CNTNAP5: variants seen among roughly 807,000 people sequenced by gnomAD.
CNTNAP5 encodes contactin associated protein family member 5, also known as contactin-associated protein-like 5.
A neutral mutation model predicts 150.2 loss-of-function variants in CNTNAP5; 72 were observed. That is an observed-to-expected ratio of 0.48 (90% confidence interval 0.40 to 0.58). The LOEUF is 0.58. CNTNAP5 is among the 20% of genes least tolerant of loss of function. CNTNAP5 has a pLI of 0.00. For synonymous variants in CNTNAP5, 672 were observed against 619.8 expected, an observed-to-expected ratio of 1.08 and a Z score of -1.25; for missense variants, 1,636 against 1,626.2, an observed-to-expected ratio of 1.01 and a Z score of -0.10.
rs530361284 is a variant in CNTNAP5, at chr2:124,301,960, TA to T, written c.381+59570del. Among the ~76,000 whole-genome samples the T allele has an allele frequency of 2.5e-3, 376 of 152,274 alleles. 4 individuals are homozygous for T. The highest frequency in any genetic ancestry group is 8.4e-3 in the African/African-American group (351 of 41,550). On this transcript the variant is annotated intron_variant, in intron 3 of 23. Transcript: ENST00000682447. Reference sequence around the variant, plus strand: ...GGACCTTTAAGGACATAATTAAGATTAAATGAGGTCATAAAGTGAAGCTCTA... The same window carrying T: ...GGACCTTTAAGGACATAATTAAGATTAATGAGGTCATAAAGTGAAGCTCTA...
At chr2:124,784,854 CAATGTGGATGTTAAATTTTCTTAGGG>C (rs1401751912) in intron 17 of CNTNAP5, among the ~76,000 whole-genome samples, 1 of 151,980 alleles carries the variant, frequency 6.6e-6, no homozygotes, top group Non-Finnish European at 1.5e-5. Context: ...TTTTCTTAGG[CAATGTGGATGTTAAATTTTCTTAGGG>C]AATGTGAATG....
chr2:124,655,999 A>AAAGAAAGAAAGAAGGAAGGAAGG (rs1317556643), intron 13 of CNTNAP5, among the ~76,000 whole-genome samples: 23 of 90,628 alleles, frequency 2.5e-4, no homozygotes, highest in South Asian at 7.8e-4. Context: ...AAGAAAGAAA[A>AAAGAAAGAAAGAAGGAAGGAAGG]AAGGAAGGAA....
At chr2:124,170,988 C>A (rs1231817765) in intron 1 of CNTNAP5, among the ~76,000 whole-genome samples, 3 of 152,110 alleles carry the variant, frequency 2.0e-5, no homozygotes, top group Admixed American at 2.0e-4. Context: ...TTTGAGAAGC[C>A]CCTAACTTCC....
intron 1 of CNTNAP5, among the ~76,000 whole-genome samples, chr2:124,203,102 G>A (rs1685769191): frequency 6.6e-6 from 1 of 152,098 alleles, no homozygotes; most frequent in Non-Finnish European, 1.5e-5. Flanking sequence ...CTAGATACAA[G>A]GGGAGGACAG....
At chr2:124,854,655 G>A (rs1677311454) in intron 19 of CNTNAP5, among the ~76,000 whole-genome samples, 3 of 152,312 alleles carry the variant, frequency 2.0e-5, no homozygotes, top group South Asian at 4.1e-4. Flanking sequence ...TCTCCATAGT[G>A]GCTATTTTAT....
intron 17 of CNTNAP5, among the ~76,000 whole-genome samples, chr2:124,774,179 C>T (rs1416763849): frequency 6.6e-6 from 1 of 151,970 alleles, no homozygotes; most frequent in Non-Finnish European, 1.5e-5. Flanking sequence ...TGTCAGTCTA[C>T]CCAGATTTAA....
At chr2:124,175,111 G>C (rs979631796) in intron 1 of CNTNAP5, among the ~76,000 whole-genome samples, 15 of 152,268 alleles carry the variant, frequency 9.9e-5, no homozygotes, top group Non-Finnish European at 1.6e-4. Context: ...ACCAAAAAAT[G>C]TGTATGATTA....
At chr2:124,682,736 A>G (rs935469445) in intron 13 of CNTNAP5, among the ~76,000 whole-genome samples, 1 of 152,168 alleles carries the variant, frequency 6.6e-6, no homozygotes, top group African/African-American at 2.4e-5. Context: ...GAGAGAATCT[A>G]CCAGGTTCCT....
At chr2:124,633,695 T>A (rs1452319996) in intron 12 of CNTNAP5, among the ~76,000 whole-genome samples, 1 of 152,220 alleles carries the variant, frequency 6.6e-6, no homozygotes, top group Non-Finnish European at 1.5e-5. Flanking sequence ...ACTGCCCTAG[T>A]AGAGCTTCTT....
intron 19 of CNTNAP5, among the ~76,000 whole-genome samples, chr2:124,820,765 G>C (rs1057239388): frequency 2.6e-5 from 4 of 152,178 alleles, no homozygotes; most frequent in Non-Finnish European, 4.4e-5. Context: ...CTGATTTGCT[G>C]TCATAGCTGA....
At chr2:124,270,089 G>C (rs183759377) in intron 3 of CNTNAP5, among the ~76,000 whole-genome samples, 1 of 152,150 alleles carries the variant, frequency 6.6e-6, no homozygotes, top group Admixed American at 6.5e-5. Flanking sequence ...GCCGAGGCGG[G>C]TGGATCACCT....
chr2:124,025,792 C>T (rs2104614896), intron 1 of CNTNAP5, 60 bp downstream of exon 1: 2 of 1,314,614 alleles, frequency 1.5e-6, no homozygotes, highest in Admixed American at 1.7e-5. Context: ...TTCAGAAAGA[C>T]AATCAACTAT....
intron 12 of CNTNAP5, among the ~76,000 whole-genome samples, chr2:124,633,297 T>A (rs1158338936): frequency 6.6e-6 from 1 of 152,164 alleles, no homozygotes; most frequent in Non-Finnish European, 1.5e-5. Context: ...AATTTGTTAC[T>A]CCCAAGATAC....
At chr2:124,132,090 T>C (rs1683864830) in intron 1 of CNTNAP5, among the ~76,000 whole-genome samples, 1 of 152,196 alleles carries the variant, frequency 6.6e-6, no homozygotes, top group South Asian at 2.1e-4. Context: ...GGTCCTGTTC[T>C]GCTTTGGCAG....
At chr2:124,753,795 T>G (rs771584674) in intron 14 of CNTNAP5, among the ~76,000 whole-genome samples, 29 of 152,228 alleles carry the variant, frequency 1.9e-4, no homozygotes, top group Admixed American at 6.5e-5. Context: ...AATTTATACA[T>G]ATGTCAACAC....
Position 124,025,445 on chromosome 2 carries a change from C to A in CNTNAP5, c.-206C>A. 1 of 596,070 alleles carries A rather than the reference C, an allele frequency of 1.7e-6. No individual in the cohort carries two copies. Among genetic ancestry groups the A allele is most frequent in the South Asian group, 2.0e-5 (1 of 51,178 alleles). The allele number at this position is 596,070 out of a possible 1,614,324, so 36.9% of individuals were successfully genotyped here. On this transcript the variant is annotated 5_prime_UTR_variant, in exon 1 of 24. Coordinates refer to ENST00000682447, the MANE Select transcript of CNTNAP5 (RefSeq NM_001367498.1). Reference sequence around the variant, plus strand: ...TCCAGCTAGCGGCTGTTGCGGGGACCGTAGCCCCAGCTGCAGCTCCGAAGA... The same window carrying A: ...TCCAGCTAGCGGCTGTTGCGGGGACAGTAGCCCCAGCTGCAGCTCCGAAGA...
chr2:124,588,199 T>C (rs1696594744), intron 11 of CNTNAP5, among the ~76,000 whole-genome samples: 1 of 145,164 alleles, frequency 6.9e-6, no homozygotes, highest in African/African-American at 2.5e-5. Context: ...TTTCTTTCTT[T>C]CTTTCTTTCT....
chr2:124,275,151 C>A (rs1687856024), intron 3 of CNTNAP5, among the ~76,000 whole-genome samples: 1 of 151,514 alleles, frequency 6.6e-6, no homozygotes, highest in African/African-American at 2.4e-5. Flanking sequence ...AAAGACCCAC[C>A]CCCATGATTC....
Position 124,834,184 on chromosome 2 carries a change from G to A in CNTNAP5, c.3218-31122G>A, listed in dbSNP as rs543613583. On this transcript the variant is annotated intron_variant, in intron 19 of 23. Coordinates refer to ENST00000682447, the MANE Select transcript of CNTNAP5 (RefSeq NM_001367498.1). ...TGATAAATTGGCAGAACCAAGATTC[G>A]CACCAGATACCCTGCTCTTAAATTT... 2.9e-4 allele frequency among the ~76,000 whole-genome samples: 44 copies of A among 152,194 alleles called. 1 individual carries two copies. The highest frequency in any genetic ancestry group is 3.4e-3 in the Middle Eastern group (1 of 294).
Sources: allele counts gnomAD v4.1 joint callset (sites outside exome capture counted in the v4.1 genomes callset), GRCh38; gene constraint gnomAD v4.1.1; transcripts MANE v1.5; gene names NCBI Gene and HGNC (gene_info 2026-07-23, HGNC 2026-07-21).